RASGEF1B: variants seen among roughly 807,000 people sequenced by gnomAD.
RASGEF1B encodes the protein RasGEF domain family member 1B.
A neutral mutation model predicts 65.7 loss-of-function variants in RASGEF1B; 30 were observed. The ratio of observed to expected loss-of-function variants is 0.46; its 90% CI spans 0.34 to 0.62. The LOEUF is 0.62. Ranked by LOEUF, RASGEF1B falls within the 20% of genes least tolerant of loss-of-function variation. The probability of loss-of-function intolerance (pLI) is 0.01; values close to 1 mark genes in which losing one functional copy is unlikely to be tolerated. For missense variants in RASGEF1B, 495 were observed against 580.1 expected, an observed-to-expected ratio of 0.85 and a Z score of 1.51; for synonymous variants, 175 against 194.8, an observed-to-expected ratio of 0.90 and a Z score of 0.85.
At chr4:81,452,993 T>G (rs919687177) in intron 4 of RASGEF1B, 6 of 143,108 alleles carry the variant, frequency 4.2e-5, no homozygotes, top group Non-Finnish European at 7.6e-5. Flanking sequence ...ATTCACTGAC[T>G]GCCAAAAGGA....
At chr4:81,448,416 G>A in intron 4 of RASGEF1B, 132 bp from the exon 5 acceptor site, 1 of 732,430 alleles carries the variant, frequency 1.4e-6, no homozygotes, top group Non-Finnish European at 2.3e-6. Context: ...GCAGTTACGG[G>A]AAGATTCAGC....
chr4:81,443,242 A>G (rs1721905848), intron 8 of RASGEF1B, among the ~76,000 whole-genome samples: 1 of 152,228 alleles, frequency 6.6e-6, no homozygotes. Context: ...CATGCCACCA[A>G]CATTCATATT....
chr4:81,427,786 G>A lies in RASGEF1B; in HGVS notation c.1404C>T (p.Ser468=). 6.2e-7 allele frequency: 1 copy of A among 1,613,934 alleles called. No homozygotes were observed. The change falls in exon 14 of 14, where the codon AGC becomes AGT. Residue 468 remains serine (S), a synonymous_variant. Transcript: ENST00000264400. The stretch of plus-strand genomic sequence containing the variant: ...CCATGTGTTAAACTCTGCCTAAGAG[G>A]CTCGACCTGAGTAATAAAAACAACA... ...EKDRWKSLRS[S]LLGRV
At position 81,426,445 on chromosome 4, in the gene RASGEF1B, G is replaced by A. The variant is rs1721224160; in HGVS notation, c.*1323C>T. The A allele has an allele frequency of 1.3e-5, 2 of 152,160 alleles. No homozygotes were observed. Among genetic ancestry groups the A allele is most frequent in the Admixed American group, 1.3e-4 (2 of 15,282 alleles). 9.4% of individuals were successfully genotyped at this position (152,160 alleles called of 1,614,324 possible). A position where few individuals can be genotyped will look rare whatever the true frequency, so the allele number is the denominator to read the frequency against. On this transcript the variant is annotated 3_prime_UTR_variant, in exon 14 of 14. Coordinates refer to ENST00000264400, the MANE Select transcript of RASGEF1B (RefSeq NM_152545.3). Reference sequence around the variant, plus strand: ...GATGGCTGTAAAGGGACAACTTGGGGATATTTTAGGTCTGCTGAGATGATG... The same window carrying A: ...GATGGCTGTAAAGGGACAACTTGGGAATATTTTAGGTCTGCTGAGATGATG...
chr4:81,433,914 T>A lies in RASGEF1B; in HGVS notation c.1250A>T (p.Gln417Leu), dbSNP rs574521988. 2.5e-6 allele frequency: 4 copies of A among 1,613,864 alleles called. No individual in the cohort carries two copies. The East Asian group carries it at 8.9e-5, about 36-fold the overall frequency. ...KQVSEFMTWK[Q>L]VECPFERDRK... is the part of the protein sequence containing the mutation. ...GTCCCTCTCAAATGGACACTCCACT[T>A]GTTTCCATGTCATAAATTCACTCAC... The change falls in exon 12 of 14, where the codon CAA becomes CTA. Residue 417 changes from glutamine to leucine, a missense_variant. Transcript: ENST00000264400.
At chr4:81,467,924 T>C (rs562119208) in intron 1 of RASGEF1B, among the ~76,000 whole-genome samples, 1 of 152,322 alleles carries the variant, frequency 6.6e-6, no homozygotes, top group South Asian at 2.1e-4. Flanking sequence ...CTGAAAATGT[T>C]TTTCTTTTGC....
Position 81,448,175 on chromosome 4 carries a change from T to C in RASGEF1B, c.548A>G (p.Asp183Gly). ...VLAKISSTST[D>G]RLTVLKTKPQ... ...CTTGGTCTTGAGAACTGTGAGCCGATCTGTGGATGTGGAGCTGATTTTTGC... is the reference window on the plus strand; with the variant it reads ...CTTGGTCTTGAGAACTGTGAGCCGACCTGTGGATGTGGAGCTGATTTTTGC... Residue 183 changes from aspartate to glycine, a missense_variant, in exon 5 of 14, where the codon GAT becomes GGT. Coordinates refer to ENST00000264400, the MANE Select transcript of RASGEF1B (RefSeq NM_152545.3). 1 of 1,614,122 alleles carries C rather than the reference T, an allele frequency of 6.2e-7. No individual in the cohort carries two copies. Among genetic ancestry groups the C allele is most frequent in the South Asian group, 1.1e-5 (1 of 91,074 alleles).
chr4:81,465,330 G>A (rs1722771725), intron 1 of RASGEF1B, among the ~76,000 whole-genome samples: 1 of 152,142 alleles, frequency 6.6e-6, no homozygotes, highest in Admixed American at 6.5e-5. Context: ...AGAAAGTGTA[G>A]AGCCACCATA....
intron 2 of RASGEF1B, 74 bp from the exon 3 acceptor site, chr4:81,457,695 A>G: frequency 6.5e-7 from 1 of 1,530,180 alleles, no homozygotes; most frequent in Non-Finnish European, 8.9e-7. Context: ...ACTATGTCTT[A>G]TTTCATTAAG....
Position 81,440,937 on chromosome 4 carries a change from T to C in RASGEF1B, c.1009-8A>G, listed in dbSNP as rs746562761. On this transcript the variant is annotated splice_region_variant and splice_polypyrimidine_tract_variant and intron_variant, in intron 9 of 13. Transcript: ENST00000264400. ...TGAAGGGTCCATCTGATGCTATAGA[T>C]AAAAGAGAGAAGAATATTAACTATT... The C allele has an allele frequency of 6.5e-7, 1 of 1,545,588 alleles. No homozygotes were observed. The highest frequency in any genetic ancestry group is 8.9e-7 in the Non-Finnish European group (1 of 1,119,920).
In RASGEF1B at chr4:81,427,625, C is replaced by G; in HGVS notation, c.*143G>C. ...AGTTCTCCATCTGGTCTTGAGTGAG[C>G]TTGTGTGCTTTGCTGACCCGGGTGC... On this transcript the variant is annotated 3_prime_UTR_variant, in exon 14 of 14. Coordinates refer to ENST00000264400, the MANE Select transcript of RASGEF1B (RefSeq NM_152545.3). 1.3e-6 allele frequency: 1 copy of G among 752,308 alleles called. No individual in the cohort carries two copies. Among genetic ancestry groups the G allele is most frequent in the Non-Finnish European group, 2.1e-6 (1 of 472,644 alleles). 46.6% of individuals were successfully genotyped at this position (752,308 alleles called of 1,614,324 possible).
intron 13 of RASGEF1B, among the ~76,000 whole-genome samples, chr4:81,430,783 C>A (rs1208979334): frequency 2.0e-5 from 3 of 152,146 alleles, no homozygotes; most frequent in African/African-American, 4.8e-5. Flanking sequence ...ACTTATGAAC[C>A]TTTCCAATCT....
At chr4:81,461,826 G>T (rs565992777) in intron 1 of RASGEF1B, among the ~76,000 whole-genome samples, 3 of 152,256 alleles carry the variant, frequency 2.0e-5, no homozygotes, top group Admixed American at 6.5e-5. Context: ...GACCCAAGGG[G>T]GTAAGGTGAC....
intron 4 of RASGEF1B, chr4:81,454,858 A>G (rs1722389667): frequency 6.6e-6 from 1 of 152,168 alleles, no homozygotes; most frequent in African/African-American, 2.4e-5. Flanking sequence ...AGCCCATACA[A>G]ATTTTTCAAA....
At chr4:81,447,754 T>C (rs949804830) in intron 5 of RASGEF1B, among the ~76,000 whole-genome samples, 176 bp from the exon 6 acceptor site, 3 of 152,178 alleles carry the variant, frequency 2.0e-5, no homozygotes, top group Non-Finnish European at 2.9e-5. Context: ...AATTTTCTGC[T>C]TGGGTCAATG....
At chr4:81,447,147 A>G (rs1275665573) in intron 6 of RASGEF1B, among the ~76,000 whole-genome samples, 1 of 152,190 alleles carries the variant, frequency 6.6e-6, no homozygotes. Flanking sequence ...CTATTGTTGA[A>G]TTATGGGCAG....
rs548387526 is a variant in RASGEF1B at position 81,430,713 on chromosome 4, A to C, written c.1397+1586T>G. 3.4e-4 allele frequency among the ~76,000 whole-genome samples: 52 copies of C among 152,364 alleles called. 3 individuals are homozygous for C. In the South Asian group the frequency reaches 0.01, roughly 30 times the overall value. On this transcript the variant is annotated intron_variant, in intron 13 of 13. Coordinates refer to ENST00000264400, the MANE Select transcript of RASGEF1B (RefSeq NM_152545.3). ...GTTAGATGTCATATATTATGTGAAC[A>C]GTACAGACGTGGGAAGACATTATAC... is the stretch of plus-strand genomic sequence containing the variant.
intron 1 of RASGEF1B, among the ~76,000 whole-genome samples, chr4:81,466,770 A>AAAAAGAAAGAAAGAAAGAAAG (rs748492254): frequency 2.2e-4 from 8 of 36,098 alleles, no homozygotes; most frequent in Admixed American, 5.0e-4. Context: ...AAAAAAAAAA[A>AAAAAGAAAGAAAGAAAGAAAG]AAAGAAAGAA....
At chr4:81,448,036 G>A in intron 5 of RASGEF1B, 33 bp downstream of exon 5, 27 of 1,569,052 alleles carry the variant, frequency 1.7e-5, no homozygotes, top group Non-Finnish European at 2.4e-5. Context: ...GCAAATCTGT[G>A]GTTGTAAAGG....
Sources: gnomAD v4.1 joint callset for allele counts (sites outside exome capture counted in the v4.1 genomes callset) on GRCh38, gnomAD v4.1.1 for gene constraint, MANE v1.5 for transcripts, NCBI Gene and HGNC (gene_info 2026-07-23, HGNC 2026-07-21) for gene names.